Variants in EDN3 observed in about 807,000 individuals in gnomAD.
The protein encoded by EDN3 is endothelin-3.
EDN3 carries 9 observed loss-of-function variants against 21.4 expected under a neutral mutation model. That is an observed-to-expected ratio of 0.42 (90% CI 0.25 to 0.73). The LOEUF (loss-of-function observed/expected upper bound fraction) is 0.73, where lower values mean the gene tolerates loss of function less well. Ranked by LOEUF, EDN3 falls within the 30% of genes least tolerant of loss-of-function variation. The pLI, the probability that EDN3 is intolerant of heterozygous loss-of-function variation, is 0.26. For missense variants in EDN3, 327 were observed against 309.4 expected, an observed-to-expected ratio of 1.06 and a Z score of -0.43; for synonymous variants, 133 against 126.2, an observed-to-expected ratio of 1.05 and a Z score of -0.36.
intron 2 of EDN3, among the ~76,000 whole-genome samples, chr20:59,306,595 T>TAA (rs57144708): frequency 1.3e-3 from 83 of 62,436 alleles, no homozygotes; most frequent in African/African-American, 5.2e-3. Context: ...GCATAAAGAG[T>TAA]AAAAAAAAAA....
At chr20:59,313,108 A>G (rs979641665) in intron 2 of EDN3, among the ~76,000 whole-genome samples, 1 of 152,220 alleles carries the variant, frequency 6.6e-6, no homozygotes, top group Non-Finnish European at 1.5e-5. Context: ...CTGATGAAGG[A>G]CAAAATAAGT....
chr20:59,307,612 T>C (rs556976188), intron 2 of EDN3, among the ~76,000 whole-genome samples: 7 of 152,324 alleles, frequency 4.6e-5, no homozygotes, highest in African/African-American at 1.4e-4. Context: ...TGGGTCAGTA[T>C]TGAATGGGGC....
rs748964243 is a variant in EDN3 at position 59,322,567 on chromosome 20, A to C, written c.588+150A>C. 137 of 1,076,578 alleles carry C rather than the reference A, an allele frequency of 1.3e-4. No homozygotes were observed. The highest frequency in any genetic ancestry group is 1.7e-4 in the Non-Finnish European group (121 of 711,836). 66.7% of individuals were successfully genotyped at this position (1,076,578 alleles called of 1,614,324 possible). On this transcript the variant is annotated intron_variant, in intron 4 of 4. Coordinates refer to ENST00000337938, the MANE Select transcript of EDN3 (RefSeq NM_207034.3). This position sits in a 1 kb window ranked among gnomAD's most constrained non-coding sequence, Gnocchi z 4.1. ...CTCATGGGATGCTGCACCCACAAGC[A>C]ATGGTGCCTTTGGTGGACCGTTTCT...
At chr20:59,310,032 A>G (rs1197121524) in intron 2 of EDN3, among the ~76,000 whole-genome samples, 1 of 152,164 alleles carries the variant, frequency 6.6e-6, no homozygotes, top group African/African-American at 2.4e-5. Flanking sequence ...CATTACAGTG[A>G]GGAACTTGGC....
chr20:59,307,780 G>A (rs1006456678), intron 2 of EDN3, among the ~76,000 whole-genome samples: 2 of 151,958 alleles, frequency 1.3e-5, no homozygotes, highest in Non-Finnish European at 2.9e-5. Flanking sequence ...GGGCTCAATC[G>A]AATCTCCCAC....
intron 2 of EDN3, among the ~76,000 whole-genome samples, chr20:59,320,201 G>A (rs943405377): frequency 6.6e-6 from 1 of 152,214 alleles, no homozygotes; most frequent in African/African-American, 2.4e-5. Context: ...CAGCTGCATG[G>A]CCAGGCCCTC....
At chr20:59,302,004 G>A (rs1375740831) in intron 2 of EDN3, among the ~76,000 whole-genome samples, 1 of 152,160 alleles carries the variant, frequency 6.6e-6, no homozygotes, top group African/African-American at 2.4e-5. Flanking sequence ...GAACTGACCA[G>A]GGGGATTAGA....
In EDN3 at chr20:59,305,492, C is replaced by A. The variant is rs1308347368; in HGVS notation, c.365+3770C>A. ...AACCAACAGGGTGTGTGCATGTCTGCAGATTATGCATATATCAGAAGTGCG... is the reference window on the plus strand; with the variant it reads ...AACCAACAGGGTGTGTGCATGTCTGAAGATTATGCATATATCAGAAGTGCG... On this transcript the variant is annotated intron_variant, in intron 2 of 4. Coordinates refer to ENST00000337938, the MANE Select transcript of EDN3 (RefSeq NM_207034.3). This position sits in a 1 kb window ranked among gnomAD's most constrained non-coding sequence, Gnocchi z 4.2. Among the ~76,000 whole-genome samples, 1 of 152,132 alleles carries A rather than the reference C, an allele frequency of 6.6e-6. No homozygotes were observed. The highest frequency in any genetic ancestry group is 1.5e-5 in the Non-Finnish European group (1 of 68,030).
At position 59,301,425 on chromosome 20, in the gene EDN3, C is replaced by T; in HGVS notation, c.68C>T (p.Ser23Phe). Residue 23 changes from serine to phenylalanine, a missense_variant, in exon 2 of 5, where the codon TCC (serine) becomes TTC (phenylalanine). Ser to Phe is a radical substitution (Grantham distance 155, BLOSUM62 -2). Transcript: ENST00000337938. ...CCTTCTGCAGGATTCGTGCCTTGCT[C>T]CCAGTCTGGGGATGCTGGCAGGCGC... ...VTSAAGFVPCSQSGDAGRRGV... is the reference protein window; with the variant it reads ...VTSAAGFVPCFQSGDAGRRGV... The T allele has an allele frequency of 6.2e-7, 1 of 1,611,950 alleles. No individual in the cohort carries two copies. The highest frequency in any genetic ancestry group is 8.5e-7 in the Non-Finnish European group (1 of 1,180,016).
chr20:59,303,773 G>T (rs1173332448), intron 2 of EDN3, among the ~76,000 whole-genome samples: 1 of 152,162 alleles, frequency 6.6e-6, no homozygotes, highest in Admixed American at 6.5e-5. Flanking sequence ...TGAAGCTGTG[G>T]CTCTCTGACT....
intron 1 of EDN3, 128 bp downstream of exon 1, chr20:59,300,992 G>C: frequency 1.8e-6 from 2 of 1,139,714 alleles, no homozygotes; most frequent in South Asian, 2.9e-5. Context: ...CTGCACTCGT[G>C]AAGACGCCTG....
chr20:59,323,103 T>C (rs1286746596), intron 4 of EDN3, among the ~76,000 whole-genome samples: 1 of 152,046 alleles, frequency 6.6e-6, no homozygotes, highest in Non-Finnish European at 1.5e-5. Context: ...GTGGCTTGGG[T>C]TTCTACAGAG....
At chr20:59,310,908 T>C (rs1600733837) in intron 2 of EDN3, among the ~76,000 whole-genome samples, 1 of 152,156 alleles carries the variant, frequency 6.6e-6, no homozygotes, top group East Asian at 1.9e-4. Context: ...TTTAGGAATC[T>C]GATTTCCATG....
Position 59,323,991 on chromosome 20 carries a change from C to T in EDN3, c.589-340C>T, listed in dbSNP as rs532966443. ...GTCTCTTATTAAGCCAATGTTCTTGCTTTCTTGCAAGATTCAAGTTAGTAA... is the reference window on the plus strand; with the variant it reads ...GTCTCTTATTAAGCCAATGTTCTTGTTTTCTTGCAAGATTCAAGTTAGTAA... On this transcript the variant is annotated intron_variant, in intron 4 of 4. Transcript: ENST00000337938. 3.2e-4 allele frequency among the ~76,000 whole-genome samples: 48 copies of T among 152,344 alleles called. 2 individuals are homozygous for T. The South Asian group carries it at 9.7e-3, about 31-fold the overall frequency.
chr20:59,323,183 A>T (rs1256396602), intron 4 of EDN3, among the ~76,000 whole-genome samples: 2 of 152,118 alleles, frequency 1.3e-5, no homozygotes, highest in African/African-American at 4.8e-5. Context: ...GATCGCTTCT[A>T]GTCTAGTCCA....
At position 59,300,820 on chromosome 20, in the gene EDN3, C is replaced by T. The variant is rs1431245616; in HGVS notation, c.8C>T (p.Pro3Leu). The T allele has an allele frequency of 1.2e-6, 2 of 1,611,026 alleles. No homozygotes were observed. The highest frequency in any genetic ancestry group is 1.3e-5 in the African/African-American group (1 of 74,990). Residue 3 changes from proline (P) to leucine (L), a missense_variant, in exon 1 of 5, where the codon CCG (proline) becomes CTG (leucine). Transcript: ENST00000337938. ME[P>L]GLWLLFGLTV... ...GGCGCCTGATCTAGGTTCATGGAGC[C>T]GGGGCTGTGGCTCCTTTTCGGGCTC... is the stretch of plus-strand genomic sequence containing the variant.
At chr20:59,301,354 G>A (rs1988999971) in intron 1 of EDN3, 56 bp from the exon 2 acceptor site, 9 of 1,584,224 alleles carry the variant, frequency 5.7e-6, no homozygotes, top group Middle Eastern at 2.2e-4. Flanking sequence ...TGGGGGTGGC[G>A]GGTGTTGAGG....
At chr20:59,319,582 C>T (rs1225141857) in intron 2 of EDN3, among the ~76,000 whole-genome samples, 11 of 151,678 alleles carry the variant, frequency 7.3e-5, no homozygotes, top group South Asian at 4.2e-4. Flanking sequence ...AATAATTAGC[C>T]GGGCGTGGTG....
chr20:59,311,191 T>C (rs904874876), intron 2 of EDN3, among the ~76,000 whole-genome samples: 1 of 152,076 alleles, frequency 6.6e-6, no homozygotes, highest in East Asian at 1.9e-4. Flanking sequence ...GTGTCTCTAA[T>C]AGAGACTCAG....
Sources: gnomAD v4.1 joint callset for allele counts (sites outside exome capture counted in the v4.1 genomes callset) on GRCh38, gnomAD v4.1.1 for gene constraint, Gnocchi (gnomAD v3.1) non-coding constraint, MANE v1.5 for transcripts, NCBI Gene and HGNC (gene_info 2026-07-23, HGNC 2026-07-21) for gene names.